DPY19L4: variants seen among roughly 807,000 people sequenced by gnomAD.
DPY19L4 encodes the protein probable C-mannosyltransferase DPY19L4.
In DPY19L4, 97 loss-of-function variants were observed where a neutral mutation model predicts 102.8. The ratio of observed to expected loss-of-function variants is 0.94; its 90% CI spans 0.80 to 1.12. The LOEUF (loss-of-function observed/expected upper bound fraction) is 1.12. Among genes scored for constraint, DPY19L4 ranks in the 50% most tolerant of loss-of-function variants. The pLI, the probability that DPY19L4 is intolerant of heterozygous loss-of-function variation, is 0.00. For missense variants in DPY19L4, 815 were observed against 850.4 expected (o/e 0.96, Z 0.52); for synonymous variants, 252 against 283.1 (o/e 0.89, Z 1.10).
intron 1 of DPY19L4, among the ~76,000 whole-genome samples, chr8:94,721,828 G>C (rs1249968124): frequency 3.9e-5 from 6 of 152,218 alleles, no homozygotes; most frequent in Admixed American, 3.3e-4. Flanking sequence ...TGATAAATGG[G>C]CGGGGCATGA....
intron 2 of DPY19L4, 54 bp downstream of exon 2, chr8:94,726,495 A>G (rs1351287663): frequency 5.9e-6 from 8 of 1,352,916 alleles, no homozygotes; most frequent in South Asian, 1.3e-5. Context: ...TTACACTAGA[A>G]AGTATATTTT....
chr8:94,752,746 G>C (rs1445253218), intron 6 of DPY19L4, among the ~76,000 whole-genome samples: 1 of 150,046 alleles, frequency 6.7e-6, no homozygotes, highest in Non-Finnish European at 1.5e-5. Flanking sequence ...CTCACTGCAA[G>C]CTCCGCCACC....
rs1274889424 is a variant in DPY19L4, at chr8:94,792,192, CA to C, written c.*2285del. 6.6e-6 allele frequency: 1 copy of C among 152,064 alleles called. No individual in the cohort carries two copies. Among genetic ancestry groups the C allele is most frequent in the African/African-American group, 2.4e-5 (1 of 41,430 alleles). The allele number at this position is 152,064 out of a possible 1,614,324, so 9.4% of individuals were successfully genotyped here. ...AAAATGTTCTTTGCCCTTGATACTG[CA>C]AACCCACTGATACAAGTGCCTTGAA... On this transcript the variant is annotated 3_prime_UTR_variant, in exon 19 of 19. Coordinates refer to ENST00000414645, the MANE Select transcript of DPY19L4 (RefSeq NM_181787.3).
At chr8:94,785,973 T>TA (rs11459349) in intron 17 of DPY19L4, among the ~76,000 whole-genome samples, 2,960 of 152,316 alleles carry the variant, frequency 0.019, 84 homozygotes, top group Middle Eastern at 0.065. Context: ...TTTTAAGTTT[T>TA]ATGTAACTTG....
intron 7 of DPY19L4, among the ~76,000 whole-genome samples, chr8:94,760,264 A>G (rs944393373): frequency 3.3e-5 from 5 of 152,214 alleles, no homozygotes; most frequent in Non-Finnish European, 7.3e-5. Flanking sequence ...CCAAATGCCC[A>G]GTACATTAAT....
At chr8:94,786,088 T>G (rs1049054376) in intron 17 of DPY19L4, among the ~76,000 whole-genome samples, 1 of 152,224 alleles carries the variant, frequency 6.6e-6, no homozygotes, top group Non-Finnish European at 1.5e-5. Context: ...AAATCCAAAC[T>G]GAACTCCATA....
Position 94,792,664 on chromosome 8 carries a change from G to T in DPY19L4, c.*2754G>T, listed in dbSNP as rs1563625175. The T allele has an allele frequency of 6.6e-6, 1 of 152,274 alleles. No homozygotes were observed. Among genetic ancestry groups the T allele is most frequent in the Non-Finnish European group, 1.5e-5 (1 of 68,262 alleles). 9.4% of individuals were successfully genotyped at this position (152,274 alleles called of 1,614,324 possible). ...GAGGTCAGGAGATCGAGACCATCTT[G>T]GCTAACACGGTGAAACCCCGTCTCT... On this transcript the variant is annotated 3_prime_UTR_variant, in exon 19 of 19. Coordinates refer to ENST00000414645, the MANE Select transcript of DPY19L4 (RefSeq NM_181787.3).
chr8:94,732,536 AAAATAAAATTT>A (rs1376961450), intron 2 of DPY19L4, among the ~76,000 whole-genome samples: 3 of 152,202 alleles, frequency 2.0e-5, no homozygotes, highest in Non-Finnish European at 4.4e-5. Flanking sequence ...CTACAAAAAT[AAAATAAAATTT>A]AAAAAAGAAA....
intron 8 of DPY19L4, among the ~76,000 whole-genome samples, chr8:94,763,902 G>A (rs1038589996): frequency 2.0e-5 from 3 of 152,012 alleles, no homozygotes; most frequent in African/African-American, 7.2e-5. Flanking sequence ...TAAAACTCCT[G>A]GGCTCAAGCC....
chr8:94,761,612 C>A, intron 7 of DPY19L4, 88 bp from the exon 8 acceptor site: 1 of 1,166,514 alleles, frequency 8.6e-7, no homozygotes, highest in Non-Finnish European at 1.1e-6. Flanking sequence ...GAACGAGTAA[C>A]AGAGCTACAA....
intron 7 of DPY19L4, among the ~76,000 whole-genome samples, chr8:94,756,419 T>C (rs904291862): frequency 3.3e-5 from 5 of 152,242 alleles, no homozygotes; most frequent in African/African-American, 1.2e-4. Flanking sequence ...ACATATCTTA[T>C]TTTGAAAATC....
At chr8:94,759,121 G>A (rs1027065875) in intron 7 of DPY19L4, among the ~76,000 whole-genome samples, 4 of 152,182 alleles carry the variant, frequency 2.6e-5, no homozygotes, top group Non-Finnish European at 4.4e-5. Context: ...AGAGTGAGCG[G>A]TAGCAAGGTT....
chr8:94,750,650 T>C (rs1450816411), intron 6 of DPY19L4, among the ~76,000 whole-genome samples: 1 of 152,178 alleles, frequency 6.6e-6, no homozygotes, highest in Non-Finnish European at 1.5e-5. Flanking sequence ...AACAGCTTTA[T>C]TGAGGTATAA....
intron 7 of DPY19L4, 57 bp downstream of exon 7, chr8:94,756,216 G>A (rs1373968608): frequency 2.5e-6 from 4 of 1,570,340 alleles, no homozygotes; most frequent in Non-Finnish European, 3.4e-6. Flanking sequence ...TGCAAATGTG[G>A]CACATAATAG....
At chr8:94,729,017 T>G (rs1340897458) in intron 2 of DPY19L4, among the ~76,000 whole-genome samples, 1 of 151,182 alleles carries the variant, frequency 6.6e-6, no homozygotes, top group Non-Finnish European at 1.5e-5. Flanking sequence ...CCTGTCTTTA[T>G]TTAAAGAAAA....
Position 94,739,626 on chromosome 8 carries a change from TTC to T in DPY19L4, c.466-17_466-16del, listed in dbSNP as rs772548483. 2.5e-6 allele frequency: 4 copies of T among 1,612,132 alleles called. No homozygotes were observed. In the Admixed American group the frequency reaches 5.0e-5, roughly 20 times the overall value. ...ATGCCATCCTATTGTCTTGTTCTCTTTCTGTTTTTTCCACATAGGAGATTATT... is the reference window on the plus strand; with the variant it reads ...ATGCCATCCTATTGTCTTGTTCTCTTTGTTTTTTCCACATAGGAGATTATT... On this transcript the variant is annotated splice_polypyrimidine_tract_variant and intron_variant, in intron 5 of 18. Coordinates refer to ENST00000414645, the MANE Select transcript of DPY19L4 (RefSeq NM_181787.3).
chr8:94,770,703 T>C, intron 13 of DPY19L4, 132 bp downstream of exon 13: 3 of 1,133,550 alleles, frequency 2.6e-6, no homozygotes. Flanking sequence ...TTTGAGACAG[T>C]GTGACTCTGT....
At chr8:94,780,802 A>T (rs1158702124) in intron 15 of DPY19L4, among the ~76,000 whole-genome samples, 2 of 152,194 alleles carry the variant, frequency 1.3e-5, no homozygotes, top group Admixed American at 6.6e-5. Flanking sequence ...ATGTGCCTGA[A>T]AGATGATCAA....
rs117211933 is a variant in DPY19L4, at chr8:94,722,847, C to T, written c.16+2833C>T. On this transcript the variant is annotated intron_variant, in intron 1 of 18. Transcript: ENST00000414645. ...CTTACCATTCACATTCACTTGGATCCTCTTCATTGTCCAAGTAAATACTCT... is the reference window on the plus strand; with the variant it reads ...CTTACCATTCACATTCACTTGGATCTTCTTCATTGTCCAAGTAAATACTCT... 1.9e-4 allele frequency among the ~76,000 whole-genome samples: 29 copies of T among 152,264 alleles called. No homozygotes were observed. In the East Asian group the frequency reaches 5.4e-3, roughly 28 times the overall value.
Sources: allele counts gnomAD v4.1 joint callset (sites outside exome capture counted in the v4.1 genomes callset), GRCh38; gene constraint gnomAD v4.1.1; transcripts MANE v1.5; gene names NCBI Gene and HGNC (gene_info 2026-07-23, HGNC 2026-07-21).